HPSE2: variants seen among roughly 807,000 people sequenced by gnomAD.
The protein encoded by HPSE2 is heparanase 2 (inactive), also known as inactive heparanase-2.
A neutral mutation model predicts 60.5 loss-of-function variants in HPSE2; 38 were observed. The ratio of observed to expected loss-of-function variants is 0.63; its 90% CI spans 0.48 to 0.82. HPSE2 has a LOEUF of 0.82. Among genes scored for constraint, HPSE2 ranks in the 40% least tolerant of loss-of-function variants. The pLI is 0.00. For missense variants in HPSE2, 713 were observed against 740.4 expected, an observed-to-expected ratio of 0.96 and a Z score of 0.43; for synonymous variants, 295 against 293.2, an observed-to-expected ratio of 1.01 and a Z score of -0.06.
In HPSE2 at chr10:99,230,532, G is replaced by GT. The variant is rs202014911; in HGVS notation, c.448+1815dup. ...AACCTCTTAGATCTTTTCCGTTTAT[G>GT]TTTTTTTTTTAATTTTATATAGTTT... On this transcript the variant is annotated intron_variant, in intron 2 of 11. Coordinates refer to ENST00000370552, the MANE Select transcript of HPSE2 (RefSeq NM_021828.5). Among the ~76,000 whole-genome samples, 91 of 149,612 alleles carry GT rather than the reference G, an allele frequency of 6.1e-4. No homozygotes were observed. The South Asian group carries it at 6.4e-3, about 11-fold the overall frequency.
At chr10:99,027,635 A>G (rs1350342558) in intron 3 of HPSE2, among the ~76,000 whole-genome samples, 2 of 152,024 alleles carry the variant, frequency 1.3e-5, no homozygotes, top group East Asian at 3.9e-4. Flanking sequence ...CCCTGATAAC[A>G]AAATCAGACA....
At chr10:98,855,761 C>T (rs1952299263) in intron 3 of HPSE2, among the ~76,000 whole-genome samples, 2 of 152,120 alleles carry the variant, frequency 1.3e-5, no homozygotes, top group African/African-American at 4.8e-5. Flanking sequence ...GAACCCCTGT[C>T]CCTTGCCTTT....
intron 6 of HPSE2, among the ~76,000 whole-genome samples, chr10:98,665,276 A>G (rs1322874959): frequency 6.6e-6 from 1 of 152,202 alleles, no homozygotes; most frequent in Non-Finnish European, 1.5e-5. Flanking sequence ...TCTGAAACAT[A>G]CAGGATAATG....
chr10:99,294,212 C>T, the HPSE2 span, among the ~76,000 whole-genome samples: 1 of 151,598 alleles, frequency 6.6e-6, no homozygotes, highest in Admixed American at 6.6e-5. Context: ...CAGACTTGAG[C>T]ATTAGACCAC....
At chr10:99,042,139 G>T (rs1215231733) in intron 3 of HPSE2, among the ~76,000 whole-genome samples, 1 of 151,542 alleles carries the variant, frequency 6.6e-6, no homozygotes, top group East Asian at 2.0e-4. Context: ...TATTGCTTCT[G>T]CCCTGGTCCC....
At chr10:98,650,572 G>T (rs1010677567) in intron 6 of HPSE2, among the ~76,000 whole-genome samples, 2 of 152,196 alleles carry the variant, frequency 1.3e-5, no homozygotes, top group African/African-American at 4.8e-5. Context: ...CCAGTGATTG[G>T]TTGAATAATA....
At chr10:99,182,449 C>T (rs1396789903) in intron 2 of HPSE2, among the ~76,000 whole-genome samples, 1 of 152,160 alleles carries the variant, frequency 6.6e-6, no homozygotes, top group South Asian at 2.1e-4. Flanking sequence ...AGATGCCTTA[C>T]AAATATTTAG....
intron 2 of HPSE2, among the ~76,000 whole-genome samples, chr10:99,214,395 A>T (rs1849049765): frequency 1.3e-5 from 2 of 152,214 alleles, no homozygotes; most frequent in South Asian, 4.1e-4. Context: ...CCATACAAAA[A>T]CTTGTATACA....
At chr10:98,489,555 TC>T (rs1461791645) in intron 10 of HPSE2, among the ~76,000 whole-genome samples, 1 of 152,330 alleles carries the variant, frequency 6.6e-6, no homozygotes, top group East Asian at 1.9e-4. Flanking sequence ...CTCTGGGCAC[TC>T]CTTTAGTTCT....
intron 3 of HPSE2, among the ~76,000 whole-genome samples, chr10:98,906,714 G>A (rs1052379172): frequency 1.3e-5 from 2 of 152,100 alleles, no homozygotes; most frequent in Non-Finnish European, 2.9e-5. Flanking sequence ...GACCATTCTG[G>A]TCAACTTGGT....
intron 3 of HPSE2, among the ~76,000 whole-genome samples, chr10:98,807,474 T>C (rs900836933): frequency 3.3e-5 from 5 of 152,212 alleles, no homozygotes; most frequent in African/African-American, 1.2e-4. Context: ...CAAAATATCA[T>C]AGCATCCATC....
rs138088909 is a variant in HPSE2, at chr10:98,470,849, C to A, written c.1614-11110G>T. ...GGACAGCTACGCAGAGAGTTTCCAGCTGCTGGGAGTGAACTGGAGGAAAAT... is the reference window on the plus strand; with the variant it reads ...GGACAGCTACGCAGAGAGTTTCCAGATGCTGGGAGTGAACTGGAGGAAAAT... On this transcript the variant is annotated intron_variant, in intron 11 of 11. Transcript: ENST00000370552. 4.5e-4 allele frequency among the ~76,000 whole-genome samples: 69 copies of A among 152,194 alleles called. 1 individual carries two copies. The East Asian group carries it at 0.013, about 29-fold the overall frequency.
chr10:98,697,109 C>A (rs1460604096), intron 5 of HPSE2, among the ~76,000 whole-genome samples: 1 of 152,144 alleles, frequency 6.6e-6, no homozygotes, highest in Non-Finnish European at 1.5e-5. Flanking sequence ...TAAATGATCA[C>A]AGTGCCTCTC....
intron 3 of HPSE2, among the ~76,000 whole-genome samples, chr10:99,023,154 C>T (rs79483496): frequency 0.1 from 15,659 of 152,076 alleles, 879 homozygotes; most frequent in South Asian, 0.19. Flanking sequence ...GCAGCATTCA[C>T]CACATACTGA....
chr10:99,183,684 T>C (rs1328504607), intron 2 of HPSE2, among the ~76,000 whole-genome samples: 2 of 152,202 alleles, frequency 1.3e-5, no homozygotes, highest in East Asian at 1.9e-4. Flanking sequence ...TCCTGGACAA[T>C]ACTTGTCATC....
intron 9 of HPSE2, among the ~76,000 whole-genome samples, chr10:98,512,579 C>T (rs1378792524): frequency 9.9e-6 from 1 of 101,278 alleles, no homozygotes; most frequent in South Asian, 4.3e-4. Context: ...AGTGAGACTG[C>T]GTCTCAAAAA....
chr10:98,772,945 C>G (rs769912028), intron 3 of HPSE2, among the ~76,000 whole-genome samples: 2 of 152,160 alleles, frequency 1.3e-5, no homozygotes, highest in African/African-American at 2.4e-5. Flanking sequence ...TTCCATTAGG[C>G]TGAAATAAGC....
chr10:99,255,229 T>C, the HPSE2 span, among the ~76,000 whole-genome samples: 1 of 152,220 alleles, frequency 6.6e-6, no homozygotes, highest in African/African-American at 2.4e-5. Flanking sequence ...ATGTGTTTCT[T>C]ATATTTGTTT....
chr10:99,109,283 C>T (rs1221167952), intron 3 of HPSE2, among the ~76,000 whole-genome samples: 1 of 152,062 alleles, frequency 6.6e-6, no homozygotes, highest in African/African-American at 2.4e-5. Flanking sequence ...CTTGAAAAAA[C>T]AGCCTCAGTT....
Sources: gnomAD v4.1 joint callset for allele counts (sites outside exome capture counted in the v4.1 genomes callset) on GRCh38, gnomAD v4.1.1 for gene constraint, MANE v1.5 for transcripts, NCBI Gene and HGNC (gene_info 2026-07-23, HGNC 2026-07-21) for gene names.